The following SHISA9 variants were observed in gnomAD, a reference collection of about 807,000 sequenced individuals.
The protein encoded by SHISA9 is shisa family member 9, also known as protein shisa-9.
A neutral mutation model predicts 38.0 loss-of-function variants in SHISA9; 13 were observed. The ratio of observed to expected loss-of-function variants is 0.34; its 90% CI spans 0.22 to 0.54. SHISA9 has a LOEUF of 0.54. Among genes scored for constraint, SHISA9 ranks in the 20% least tolerant of loss-of-function variants. The pLI, the probability that SHISA9 is intolerant of heterozygous loss-of-function variation, is 0.91. For missense variants in SHISA9, 538 were observed against 575.8 expected, an observed-to-expected ratio of 0.93 and a Z score of 0.67; for synonymous variants, 275 against 242.0, an observed-to-expected ratio of 1.14 and a Z score of -1.27.
chr16:13,421,745 C>G, the SHISA9 span, among the ~76,000 whole-genome samples: 4 of 152,168 alleles, frequency 2.6e-5, no homozygotes, highest in Admixed American at 2.6e-4. Context: ...CAGTAAGTAT[C>G]AACAAATATT....
At chr16:13,501,388 G>A in the SHISA9 span, among the ~76,000 whole-genome samples, 9 of 152,188 alleles carry the variant, frequency 5.9e-5, no homozygotes, top group Admixed American at 2.0e-4. Flanking sequence ...AGGGAGGATG[G>A]AGCCATGAAA....
rs1252349497 is a variant in SHISA9 at position 13,236,871 on chromosome 16, G to T, written c.*1462G>T. 6.6e-6 allele frequency: 1 copy of T among 152,152 alleles called. No individual in the cohort carries two copies. Among genetic ancestry groups the T allele is most frequent in the Non-Finnish European group, 1.5e-5 (1 of 68,040 alleles). The allele number at this position is 152,152 out of a possible 1,614,324, so 9.4% of individuals were successfully genotyped here. ...CAAATTACCTCCCCACATACTTCAT[G>T]TGTTCATCTCCCATCCAGAATGTCC... On this transcript the variant is annotated 3_prime_UTR_variant, in exon 5 of 5. Coordinates refer to ENST00000558583, the MANE Select transcript of SHISA9 (RefSeq NM_001145204.3).
chr16:13,292,085 A>G, the SHISA9 span, among the ~76,000 whole-genome samples: 2 of 151,450 alleles, frequency 1.3e-5, no homozygotes, highest in Admixed American at 6.6e-5. Flanking sequence ...TTGAAAATGT[A>G]ATCTTAAGGA....
chr16:13,095,821 C>G (rs2073820046), intron 2 of SHISA9, among the ~76,000 whole-genome samples: 1 of 152,252 alleles, frequency 6.6e-6, no homozygotes, highest in South Asian at 2.1e-4. Context: ...AGCGCAATGG[C>G]TCTCAAACTT....
At chr16:13,392,710 G>A in the SHISA9 span, among the ~76,000 whole-genome samples, 1 of 152,212 alleles carries the variant, frequency 6.6e-6, no homozygotes, top group African/African-American at 2.4e-5. Flanking sequence ...GCTGCGATAT[G>A]ACTGGTGTCA....
intron 2 of SHISA9, among the ~76,000 whole-genome samples, chr16:13,082,892 C>A (rs1415634647): frequency 6.6e-6 from 1 of 152,180 alleles, no homozygotes; most frequent in Non-Finnish European, 1.5e-5. Context: ...GTAGAGAAAA[C>A]CCTTTCCTTC....
At chr16:13,007,089 A>G (rs1415815305) in intron 2 of SHISA9, among the ~76,000 whole-genome samples, 2 of 152,200 alleles carry the variant, frequency 1.3e-5, no homozygotes, top group African/African-American at 4.8e-5. Context: ...GTGCCAGTGT[A>G]TTCTAGATAC....
At chr16:13,525,595 C>G in the SHISA9 span, among the ~76,000 whole-genome samples, 7 of 152,184 alleles carry the variant, frequency 4.6e-5, no homozygotes, top group South Asian at 1.4e-3. Context: ...TTACCACATC[C>G]ACCCACCACT....
At chr16:13,350,866 G>T in the SHISA9 span, among the ~76,000 whole-genome samples, 10 of 152,130 alleles carry the variant, frequency 6.6e-5, no homozygotes, top group Non-Finnish European at 1.5e-5. Flanking sequence ...TTCAAAAGAG[G>T]CTTTGGCAAA....
chr16:13,105,956 GT>G (rs927443609), intron 2 of SHISA9, among the ~76,000 whole-genome samples: 3 of 152,194 alleles, frequency 2.0e-5, no homozygotes, highest in African/African-American at 7.2e-5. Context: ...CTCACCAAGG[GT>G]TGACTTCTCC....
chr16:12,992,522 A>G (rs1567175078), intron 2 of SHISA9, among the ~76,000 whole-genome samples: 1 of 151,872 alleles, frequency 6.6e-6, no homozygotes, highest in African/African-American at 2.4e-5. Flanking sequence ...ACAGAGTAAG[A>G]CTCTGTCTCA....
chr16:13,212,914 CT>C lies in SHISA9; in HGVS notation c.848-336del, dbSNP rs539116665. On this transcript the variant is annotated intron_variant, in intron 3 of 4. Coordinates refer to ENST00000558583, the MANE Select transcript of SHISA9 (RefSeq NM_001145204.3). Reference sequence around the variant, plus strand: ...GTGAGCTCATATAACTCAAACTTTCCTTTCTTTCTAAGCAGGTTGAAATTTA... The same window carrying C: ...GTGAGCTCATATAACTCAAACTTTCCTTCTTTCTAAGCAGGTTGAAATTTA... Among the ~76,000 whole-genome samples the C allele has an allele frequency of 3.9e-5, 6 of 152,322 alleles. No individual in the cohort carries two copies. The East Asian group carries it at 1.2e-3, about 29-fold the overall frequency.
the SHISA9 span, among the ~76,000 whole-genome samples, chr16:13,287,415 A>G: frequency 6.6e-6 from 1 of 152,212 alleles, no homozygotes; most frequent in African/African-American, 2.4e-5. Flanking sequence ...ACTCTCCCAG[A>G]TGGAGAACAA....
At chr16:13,426,945 C>A in the SHISA9 span, among the ~76,000 whole-genome samples, 1 of 152,208 alleles carries the variant, frequency 6.6e-6, no homozygotes, top group Non-Finnish European at 1.5e-5. Context: ...TAACAGGCAA[C>A]CCCCAAATCC....
intron 2 of SHISA9, among the ~76,000 whole-genome samples, chr16:13,154,204 G>A (rs1254032191): frequency 1.3e-5 from 2 of 152,130 alleles, no homozygotes; most frequent in Non-Finnish European, 2.9e-5. Flanking sequence ...GGGAGACTGG[G>A]GAAATTTAAG....
intron 2 of SHISA9, among the ~76,000 whole-genome samples, chr16:12,991,180 G>A (rs1377835317): frequency 1.3e-5 from 2 of 152,060 alleles, no homozygotes; most frequent in Non-Finnish European, 2.9e-5. Context: ...TGAATTATTA[G>A]TTCATGCCCC....
the SHISA9 span, among the ~76,000 whole-genome samples, chr16:13,249,459 T>C: frequency 6.6e-6 from 1 of 152,192 alleles, no homozygotes; most frequent in African/African-American, 2.4e-5. Flanking sequence ...TTATATTCCC[T>C]GACTTATTTG....
chr16:13,144,732 G>T (rs1461172382), intron 2 of SHISA9, among the ~76,000 whole-genome samples: 1 of 152,084 alleles, frequency 6.6e-6, no homozygotes, highest in Non-Finnish European at 1.5e-5. Context: ...GTTGATTTTG[G>T]GCCTTGGTTT....
At chr16:13,130,818 A>G (rs1227176264) in intron 2 of SHISA9, among the ~76,000 whole-genome samples, 1 of 152,338 alleles carries the variant, frequency 6.6e-6, no homozygotes, top group African/African-American at 2.4e-5. Flanking sequence ...CCATGTTCCA[A>G]CAAGACTTTA....
Sources: gnomAD v4.1 joint callset for allele counts (sites outside exome capture counted in the v4.1 genomes callset) on GRCh38, gnomAD v4.1.1 for gene constraint, MANE v1.5 for transcripts, NCBI Gene and HGNC (gene_info 2026-07-23, HGNC 2026-07-21) for gene names.